The following ZNF365 variants were observed in gnomAD, a reference collection of about 807,000 sequenced individuals.
ZNF365 encodes the protein zinc finger protein 365.
In ZNF365, 22 loss-of-function variants were observed where a neutral mutation model predicts 35.0. The observed-to-expected ratio is 0.63, with a 90% CI of 0.45 to 0.90. ZNF365 has a LOEUF of 0.90. Among genes scored for constraint, ZNF365 ranks in the 40% least tolerant of loss-of-function variants. The pLI is 0.00. For missense variants in ZNF365, 448 were observed against 500.3 expected (o/e 0.90, Z 1.00); for synonymous variants, 188 against 196.2 (o/e 0.96, Z 0.35).
chr10:62,399,658 G>C lies in ZNF365; in HGVS notation c.1093G>C (p.Glu365Gln). 1 of 1,614,118 alleles carries C rather than the reference G, an allele frequency of 6.2e-7. No individual in the cohort carries two copies. Among genetic ancestry groups the C allele is most frequent in the Non-Finnish European group, 8.5e-7 (1 of 1,180,032 alleles). Residue 365 changes from glutamate to glutamine, a missense_variant, in exon 5 of 5, where the codon GAA becomes CAA. Around this residue, in one of 3 missense-constraint regions of ZNF365, gnomAD observed 362 missense variants for 375.7 expected, o/e 0.96. Coordinates refer to ENST00000395254, the MANE Select transcript of ZNF365 (RefSeq NM_014951.3). ...ASMQPAKAIH[E>Q]QAESSRDLCR... is the part of the protein sequence containing the mutation. ...CATGCAGCCTGCCAAGGCCATTCACGAACAGGCTGAGTCCTCAAGAGACCT... is the reference window on the plus strand; with the variant it reads ...CATGCAGCCTGCCAAGGCCATTCACCAACAGGCTGAGTCCTCAAGAGACCT...
chr10:62,422,744 C>G (rs138007856), intron 3 of ZNF365, among the ~76,000 whole-genome samples: 26 of 152,282 alleles, frequency 1.7e-4, no homozygotes, highest in Middle Eastern at 3.4e-3. Context: ...AGTAGCCCAT[C>G]ATGAGTTAGG....
At chr10:62,404,566 G>A (rs192700351), downstream of ZNF365, among the ~76,000 whole-genome samples, 384 of 152,212 alleles carry the variant, frequency 2.5e-3, no homozygotes, top group Non-Finnish European at 4.6e-3. Flanking sequence ...AAATTTAGGG[G>A]ACTCCATTTG....
chr10:62,388,239 T>C (rs974092120), intron 2 of ZNF365, among the ~76,000 whole-genome samples, 157 bp from the exon 3 acceptor site: 2 of 152,242 alleles, frequency 1.3e-5, no homozygotes, highest in Non-Finnish European at 2.9e-5. Context: ...AGTCTGTAAA[T>C]GTAATCACAA....
intron 3 of ZNF365, among the ~76,000 whole-genome samples, chr10:62,442,790 A>G (rs1001388772): frequency 3.1e-4 from 47 of 152,054 alleles, no homozygotes; most frequent in African/African-American, 1.1e-3. Flanking sequence ...TATTTTTCTA[A>G]TCTGAGAGGC....
At position 62,470,837 on chromosome 10, in the gene ZNF365, A is replaced by G. The variant is rs182589187; in HGVS notation, c.982-9039A>G. 2.2e-3 allele frequency among the ~76,000 whole-genome samples: 334 copies of G among 152,046 alleles called. 4 individuals are homozygous for G. Among genetic ancestry groups the G allele is most frequent in the Non-Finnish European group, 9.0e-4 (61 of 68,000 alleles). ...ATTATTTTTTCCTGTTGGAGTGTTC[A>G]TCCTTTTAATTTACTGTTTTTTAAT... On this transcript the variant is annotated intron_variant, in intron 4 of 4. Transcript: ENST00000395255.
chr10:62,454,075 C>T (rs1840725704), intron 3 of ZNF365, among the ~76,000 whole-genome samples: 1 of 152,070 alleles, frequency 6.6e-6, no homozygotes, highest in Non-Finnish European at 1.5e-5. Context: ...TAAACGTATA[C>T]CTTGCTGTTC....
At chr10:62,452,616 A>G (rs569329945) in intron 3 of ZNF365, among the ~76,000 whole-genome samples, 3 of 152,266 alleles carry the variant, frequency 2.0e-5, no homozygotes, top group Non-Finnish European at 1.5e-5. Flanking sequence ...TCATGTTACT[A>G]TATTAAAAAC....
At chr10:62,435,143 G>A (rs1001730203) in intron 3 of ZNF365, among the ~76,000 whole-genome samples, 4 of 152,132 alleles carry the variant, frequency 2.6e-5, no homozygotes, top group Admixed American at 1.3e-4. Context: ...GACTAAGAAA[G>A]ATCTTAGTTT....
chr10:62,421,478 T>C (rs939064371), intron 3 of ZNF365, among the ~76,000 whole-genome samples: 1 of 152,154 alleles, frequency 6.6e-6, no homozygotes, highest in African/African-American at 2.4e-5. Context: ...CTTTAGAATT[T>C]GGGTGATAAA....
intron 3 of ZNF365, among the ~76,000 whole-genome samples, chr10:62,414,340 C>A (rs1402879139): frequency 6.6e-6 from 1 of 151,576 alleles, no homozygotes; most frequent in Non-Finnish European, 1.5e-5. Context: ...GCTAGGACCA[C>A]AGTCATACCA....
intron 4 of ZNF365, among the ~76,000 whole-genome samples, chr10:62,476,785 G>C (rs1333336157): frequency 6.6e-6 from 1 of 152,234 alleles, no homozygotes; most frequent in Admixed American, 6.5e-5. Flanking sequence ...TGTCATGAAT[G>C]CTGTCTCTCA....
In ZNF365 at chr10:62,376,472, G is replaced by A; in HGVS notation, c.279G>A (p.Lys93=). Reference sequence around the variant, plus strand: ...TGCAGAGCAGTGGCAACGTGGTAAAGCAGAAACCGAGCTATGTTAACTTGT... The same window carrying A: ...TGCAGAGCAGTGGCAACGTGGTAAAACAGAAACCGAGCTATGTTAACTTGT... The part of the protein sequence containing the change: ...GKLQSSGNVV[K]QKPSYVNLYS... Residue 93 remains lysine (K), a synonymous_variant, in exon 2 of 5, where the codon AAG becomes AAA. Coordinates refer to ENST00000395254, the MANE Select transcript of ZNF365 (RefSeq NM_014951.3). 1 of 1,614,164 alleles carries A rather than the reference G, an allele frequency of 6.2e-7. No homozygotes were observed. Among genetic ancestry groups the A allele is most frequent in the East Asian group, 2.2e-5 (1 of 44,888 alleles).
chr10:62,440,321 GGT>G (rs138420618), intron 3 of ZNF365, among the ~76,000 whole-genome samples: 151,804 of 151,812 alleles, frequency 1, 75,898 homozygotes, highest in Middle Eastern at 1. Context: ...CGGGATGGGG[GGT>G]TTTTTCTACA....
At chr10:62,450,238 C>G (rs1459233862) in intron 3 of ZNF365, among the ~76,000 whole-genome samples, 2 of 152,198 alleles carry the variant, frequency 1.3e-5, no homozygotes, top group African/African-American at 4.8e-5. Context: ...ACAACGATAG[C>G]TAATAATGTT....
intron 2 of ZNF365, among the ~76,000 whole-genome samples, chr10:62,380,355 C>T (rs374090155): frequency 2.6e-5 from 4 of 152,202 alleles, no homozygotes; most frequent in Non-Finnish European, 1.5e-5. Flanking sequence ...AATATATTTT[C>T]CTTATGATTA....
chr10:62,400,828 C>CT lies in ZNF365; in HGVS notation c.*1041dup. ...TGCTGCTTCTGTGCCCTGTTAAGGG[C>CT]TTCAGGTATCTTTCAACCAAGTATC... On this transcript the variant is annotated 3_prime_UTR_variant, in exon 5 of 5. Coordinates refer to ENST00000395254, the MANE Select transcript of ZNF365 (RefSeq NM_014951.3). 1.0e-6 allele frequency: 1 copy of CT among 980,226 alleles called. No individual in the cohort carries two copies. Among genetic ancestry groups the CT allele is most frequent in the Non-Finnish European group, 1.2e-6 (1 of 826,676 alleles). The allele number at this position is 980,226 out of a possible 1,614,324, so 60.7% of individuals were successfully genotyped here.
intron 3 of ZNF365, among the ~76,000 whole-genome samples, chr10:62,410,710 G>A (rs2132439112): frequency 6.6e-6 from 1 of 152,154 alleles, no homozygotes; most frequent in South Asian, 2.1e-4. Context: ...TCCTTTTTAT[G>A]GCTGTATAGT....
At chr10:62,419,471 T>C (rs1345146847) in intron 3 of ZNF365, among the ~76,000 whole-genome samples, 1 of 151,758 alleles carries the variant, frequency 6.6e-6, no homozygotes, top group Non-Finnish European at 1.5e-5. Context: ...CATTTGGCTT[T>C]TGTTACAAGC....
At chr10:62,402,803 C>A (rs1839850586), downstream of ZNF365, among the ~76,000 whole-genome samples, 1 of 152,174 alleles carries the variant, frequency 6.6e-6, no homozygotes, top group South Asian at 2.1e-4. Flanking sequence ...TATATCCCAG[C>A]CTGTATATGC....
Sources: gnomAD v4.1 joint callset for allele counts (sites outside exome capture counted in the v4.1 genomes callset) on GRCh38, gnomAD v4.1.1 for gene constraint, gnomAD v4.1.1 regional missense constraint, MANE v1.5 for transcripts, NCBI Gene and HGNC (gene_info 2026-07-23, HGNC 2026-07-21) for gene names.